Variants in UPK3A observed in about 807,000 individuals in gnomAD.
UPK3A encodes the protein uroplakin 3A.
A neutral mutation model predicts 27.6 loss-of-function variants in UPK3A; 32 were observed. The ratio of observed to expected loss-of-function variants is 1.16; its 90% CI spans 0.87 to 1.55. The LOEUF (loss-of-function observed/expected upper bound fraction) is 1.55, where lower values mean the gene tolerates loss of function less well. UPK3A is among the 40% of genes most tolerant of loss of function. UPK3A has a pLI of 0.00. For missense variants in UPK3A, 370 were observed against 367.9 expected (o/e 1.01, Z -0.05); for synonymous variants, 171 against 163.9 (o/e 1.04, Z -0.33).
In UPK3A at chr22:45,285,000, G is replaced by T; in HGVS notation, c.-14G>T. On this transcript the variant is annotated 5_prime_UTR_variant, in exon 1 of 6. Coordinates refer to ENST00000216211, the MANE Select transcript of UPK3A (RefSeq NM_006953.4). The stretch of plus-strand genomic sequence containing the variant: ...GGACCGCCCGCCCCGCGCTCTGGCG[G>T]CTCCTCCCGGGCGATGCCTCCGCTC... The T allele has an allele frequency of 1.3e-6, 2 of 1,529,962 alleles. No individual in the cohort carries two copies. The highest frequency in any genetic ancestry group is 1.7e-6 in the Non-Finnish European group (2 of 1,144,848). 94.8% of individuals were successfully genotyped at this position (1,529,962 alleles called of 1,614,324 possible).
chr22:45,287,586 C>A, intron 3 of UPK3A, 135 bp downstream of exon 3: 2 of 1,127,952 alleles, frequency 1.8e-6, no homozygotes, highest in Non-Finnish European at 1.3e-6. Flanking sequence ...CCAGGCAGGC[C>A]ACGCTGAGCC....
At position 45,287,232 on chromosome 22, in the gene UPK3A, TACAA is replaced by T. The variant is rs756738565; in HGVS notation, c.273_276del (p.Thr92ArgfsTer15). 6 of 1,614,214 alleles carry T rather than the reference TACAA, an allele frequency of 3.7e-6. No individual in the cohort carries two copies. Among genetic ancestry groups the T allele is most frequent in the Admixed American group, 3.3e-5 (2 of 60,028 alleles). On this transcript the variant is annotated frameshift_variant, in exon 3 of 6. Coordinates refer to ENST00000216211, the MANE Select transcript of UPK3A (RefSeq NM_006953.4). LOFTEE classifies it high-confidence loss of function. ...AACACCCCACTGGGCTCAACGTTCC[TACAA>T]ACAGAGGGTGGGAGGACAGGTCCCT...
In UPK3A at chr22:45,293,232, TGATCGTCATCACTTCCATCC is replaced by T; in HGVS notation, c.624_643del (p.Met208IlefsTer27). The T allele has an allele frequency of 6.2e-7, 1 of 1,614,018 alleles. No individual in the cohort carries two copies. Among genetic ancestry groups the T allele is most frequent in the Admixed American group, 1.7e-5 (1 of 60,000 alleles). The stretch of plus-strand genomic sequence containing the variant: ...TGGCCAGGCCGGCGGAGCGGAGGCA[TGATCGTCATCACTTCCATCC>T]TGGGCTCCCTGCCCTTCTTTCTACT... On this transcript the variant is annotated frameshift_variant, in exon 5 of 6. Coordinates refer to ENST00000216211, the MANE Select transcript of UPK3A (RefSeq NM_006953.4). LOFTEE classifies it high-confidence loss of function.
chr22:45,290,390 G>T (rs571152268), intron 4 of UPK3A, among the ~76,000 whole-genome samples: 8 of 152,212 alleles, frequency 5.3e-5, no homozygotes, highest in Admixed American at 1.3e-4. Context: ...GGCTCTGAAA[G>T]GTTGCCTGAA....
intron 4 of UPK3A, among the ~76,000 whole-genome samples, chr22:45,289,606 T>C (rs1230345524): frequency 6.9e-6 from 1 of 144,866 alleles, no homozygotes; most frequent in South Asian, 2.2e-4. Flanking sequence ...AAAAAAAAAT[T>C]AGCTGGGCGT....
intron 3 of UPK3A, 58 bp from the exon 4 acceptor site, chr22:45,289,003 C>G: frequency 6.5e-7 from 1 of 1,545,464 alleles, no homozygotes; most frequent in South Asian, 1.1e-5. Context: ...CCCACCGCCT[C>G]CCTGTGGGTG....
intron 5 of UPK3A, among the ~76,000 whole-genome samples, chr22:45,294,996 G>A (rs1446944196): frequency 3.3e-5 from 5 of 151,536 alleles, no homozygotes; most frequent in Non-Finnish European, 5.9e-5. Flanking sequence ...CTCCTGAGTA[G>A]CTGGGATTAC....
At position 45,287,272 on chromosome 22, in the gene UPK3A, G is replaced by C. The variant is rs1453161671; in HGVS notation, c.309G>C (p.Val103=). ...EGGRTGPYKA[V]AFDLIPCSDL... ...GGAGGACAGGTCCCTACAAAGCTGT[G>C]GCCTTTGACCTGATCCCCTGCAGTG... The change falls in exon 3 of 6, where the codon GTG becomes GTC. Residue 103 remains valine, a synonymous_variant. Coordinates refer to ENST00000216211, the MANE Select transcript of UPK3A (RefSeq NM_006953.4). 1 of 1,614,166 alleles carries C rather than the reference G, an allele frequency of 6.2e-7. No individual in the cohort carries two copies. The highest frequency in any genetic ancestry group is 1.7e-5 in the Admixed American group (1 of 60,018).
intron 5 of UPK3A, among the ~76,000 whole-genome samples, chr22:45,293,624 C>A (rs1341393572): frequency 6.6e-6 from 1 of 152,150 alleles, no homozygotes; most frequent in Non-Finnish European, 1.5e-5. Context: ...GGCTTGCTAT[C>A]CTTCTGTTCT....
intron 1 of UPK3A, among the ~76,000 whole-genome samples, chr22:45,285,430 G>A (rs1055026220): frequency 2.0e-5 from 3 of 152,194 alleles, no homozygotes; most frequent in African/African-American, 7.2e-5. Flanking sequence ...CCTGGGAACT[G>A]CCAGTCCATG....
intron 2 of UPK3A, 56 bp downstream of exon 2, chr22:45,286,152 G>A: frequency 1.2e-6 from 2 of 1,609,132 alleles, no homozygotes; most frequent in Non-Finnish European, 1.7e-6. Context: ...CTGTCTGCAG[G>A]GAGGAGGGAA....
At position 45,287,292 on chromosome 22, in the gene UPK3A, G is replaced by A. The variant is rs757898653; in HGVS notation, c.329G>A (p.Cys110Tyr). 1.2e-6 allele frequency: 2 copies of A among 1,614,088 alleles called. No homozygotes were observed. Among genetic ancestry groups the A allele is most frequent in the Admixed American group, 1.7e-5 (1 of 59,996 alleles). The change falls in exon 3 of 6, where the codon TGC becomes TAC. Residue 110 changes from cysteine to tyrosine, a missense_variant. Coordinates refer to ENST00000216211, the MANE Select transcript of UPK3A (RefSeq NM_006953.4). ...YKAVAFDLIPCSDLPSLDAIG... is the reference protein window; with the variant it reads ...YKAVAFDLIPYSDLPSLDAIG... ...GCTGTGGCCTTTGACCTGATCCCCTGCAGTGACCTGCCCAGCCTGGATGCC... is the reference window on the plus strand; with the variant it reads ...GCTGTGGCCTTTGACCTGATCCCCTACAGTGACCTGCCCAGCCTGGATGCC...
intron 2 of UPK3A, 43 bp from the exon 3 acceptor site, chr22:45,287,129 G>A: frequency 6.2e-7 from 1 of 1,612,522 alleles, no homozygotes; most frequent in Non-Finnish European, 8.5e-7. Flanking sequence ...GTGTCGCTGA[G>A]CCGGAGTGGC....
chr22:45,294,486 C>T (rs369471776), intron 5 of UPK3A, among the ~76,000 whole-genome samples: 6 of 152,152 alleles, frequency 3.9e-5, no homozygotes, highest in African/African-American at 9.6e-5. Context: ...TCCCGAGTCC[C>T]GGGTTGTAGG....
Position 45,289,179 on chromosome 22 carries a change from G to C in UPK3A, c.571+36G>C, listed in dbSNP as rs771208239. ...GGCAGTGGTGGTGGTGATGCTCAAG[G>C]GGACCCGAGAAGGCGGGGCCAGCCA... is the stretch of plus-strand genomic sequence containing the variant. On this transcript the variant is annotated intron_variant, in intron 4 of 5. Transcript: ENST00000216211. The C allele has an allele frequency of 1.9e-6, 3 of 1,609,806 alleles. No individual in the cohort carries two copies. The Admixed American group carries it at 5.0e-5, about 27-fold the overall frequency.
Position 45,286,004 on chromosome 22 carries a change from C to A in UPK3A, c.116C>A (p.Thr39Asn), listed in dbSNP as rs761848623. The A allele has an allele frequency of 1.2e-6, 2 of 1,614,196 alleles. No individual in the cohort carries two copies. Among genetic ancestry groups the A allele is most frequent in the Non-Finnish European group, 1.7e-6 (2 of 1,180,022 alleles). ...GCCACCAACAACCCCACACTTACCA[C>A]TGTGGCCTTGGAAAAGCCTCTCTGC... The part of the protein sequence containing the change: ...TFATNNPTLT[T>N]VALEKPLCMF... The change falls in exon 2 of 6, where the codon ACT becomes AAT. Residue 39 changes from threonine to asparagine, a missense_variant. Physicochemically the swap from Thr to Asn is moderately conservative, Grantham distance 65. Transcript: ENST00000216211.
In UPK3A at chr22:45,285,933, T is replaced by C. The variant is rs781273294; in HGVS notation, c.53-8T>C. The C allele has an allele frequency of 1.2e-6, 2 of 1,613,812 alleles. No individual in the cohort carries two copies. Among genetic ancestry groups the C allele is most frequent in the African/African-American group, 1.3e-5 (1 of 75,010 alleles). Reference sequence around the variant, plus strand: ...GAGGTCAGTTCCCATCCTCACTGCCTCCTCCAGCTGTGAACCTGCAGCCCC... The same window carrying C: ...GAGGTCAGTTCCCATCCTCACTGCCCCCTCCAGCTGTGAACCTGCAGCCCC... On this transcript the variant is annotated splice_region_variant and splice_polypyrimidine_tract_variant and intron_variant, in intron 1 of 5. Coordinates refer to ENST00000216211, the MANE Select transcript of UPK3A (RefSeq NM_006953.4).
Position 45,295,629 on chromosome 22 carries a change from G to A in UPK3A, c.774G>A (p.Ser258=), listed in dbSNP as rs143237351. The part of the protein sequence containing the change: ...SQITQEAVPK[S]LGASESSYTS... ...TCACTCAGGAGGCTGTTCCCAAGTC[G>A]CTGGGGGCCTCGGAGTCTTCCTACA... Residue 258 remains serine, a synonymous_variant, in exon 6 of 6, where the codon TCG becomes TCA. Coordinates refer to ENST00000216211, the MANE Select transcript of UPK3A (RefSeq NM_006953.4). The A allele has an allele frequency of 5.0e-6, 8 of 1,614,014 alleles. No homozygotes were observed. The highest frequency in any genetic ancestry group is 2.2e-5 in the East Asian group (1 of 44,832).
In UPK3A at chr22:45,284,962, G is replaced by T; in HGVS notation, c.-52G>T. On this transcript the variant is annotated 5_prime_UTR_variant, in exon 1 of 6. Transcript: ENST00000216211. ...CCTGGCAGGGACAGGTCTGGTGCCC[G>T]CGCCTGCTCGCTGGACCGCCCGCCC... 1 of 1,504,748 alleles carries T rather than the reference G, an allele frequency of 6.6e-7. No homozygotes were observed. Among genetic ancestry groups the T allele is most frequent in the Non-Finnish European group, 8.9e-7 (1 of 1,125,526 alleles). The allele number at this position is 1,504,748 out of a possible 1,614,324, so 93.2% of individuals were successfully genotyped here.
Sources: allele counts gnomAD v4.1 joint callset (sites outside exome capture counted in the v4.1 genomes callset), GRCh38; gene constraint gnomAD v4.1.1; transcripts MANE v1.5; gene names NCBI Gene and HGNC (gene_info 2026-07-23, HGNC 2026-07-21).